KCNH5: variants seen among roughly 807,000 people sequenced by gnomAD.
The protein encoded by KCNH5 is potassium voltage-gated channel subfamily H member 5, also known as voltage-gated delayed rectifier potassium channel KCNH5.
Under a neutral mutation model 96.1 loss-of-function variants are expected in KCNH5, and 46 were observed. The ratio of observed to expected loss-of-function variants is 0.48; its 90% confidence interval spans 0.38 to 0.61. KCNH5 has a LOEUF of 0.61. KCNH5 is among the 20% of genes least tolerant of loss of function. The pLI is 0.00. For missense variants in KCNH5, 907 were observed against 1,225.8 expected, an observed-to-expected ratio of 0.74 and a Z score of 3.88; for synonymous variants, 439 against 449.8, an observed-to-expected ratio of 0.98 and a Z score of 0.30.
intron 9 of KCNH5, among the ~76,000 whole-genome samples, chr14:62,783,121 T>C (rs1221163767): frequency 6.6e-6 from 1 of 152,150 alleles, no homozygotes; most frequent in African/African-American, 2.4e-5. Flanking sequence ...TAAGGTTATA[T>C]AAAATAGTAA....
chr14:62,773,351 C>T (rs1886030163), intron 10 of KCNH5, among the ~76,000 whole-genome samples: 1 of 152,202 alleles, frequency 6.6e-6, no homozygotes, highest in Admixed American at 6.5e-5. Flanking sequence ...CTTGTCACCT[C>T]CTGGAATCCT....
rs919182247 is a variant in KCNH5, at chr14:62,849,636, A to G, written c.1569+17T>C. ...CTACTAAAATAGAAACTAAATAATA[A>G]CAATAATAACCCATACCTTTTCTGT... On this transcript the variant is annotated intron_variant, in intron 8 of 10. Transcript: ENST00000322893. The G allele has an allele frequency of 3.7e-6, 6 of 1,600,582 alleles. No individual in the cohort carries two copies. The highest frequency in any genetic ancestry group is 5.1e-6 in the Non-Finnish European group (6 of 1,169,060).
intron 10 of KCNH5, among the ~76,000 whole-genome samples, chr14:62,760,993 T>C (rs1416603107): frequency 6.6e-6 from 1 of 152,232 alleles, no homozygotes; most frequent in Non-Finnish European, 1.5e-5. Context: ...TTATTTTATT[T>C]TTTTCACAGC....
At chr14:63,013,656 A>G (rs1891270904) in intron 2 of KCNH5, among the ~76,000 whole-genome samples, 1 of 152,134 alleles carries the variant, frequency 6.6e-6, no homozygotes, top group Non-Finnish European at 1.5e-5. Context: ...GAAAAAAGCG[A>G]TATGTAAAAG....
In KCNH5 at chr14:62,707,785, G is replaced by T. The variant is rs1236970314; in HGVS notation, c.2690C>A (p.Pro897His). ...HSPIQADAKH[P>H]FYPIPEQALQ... is the part of the protein sequence containing the mutation. ...GGCCTGCTCGGGGATGGGATAAAAG[G>T]GGTGCTTGGCATCAGCCTGGATGGG... Residue 897 changes from proline (P) to histidine (H), a missense_variant, in exon 11 of 11, where the codon CCC becomes CAC. Physicochemically the swap from Pro to His is moderately conservative, Grantham distance 77 (BLOSUM62 -2). Transcript: ENST00000322893. 5.0e-6 allele frequency: 8 copies of T among 1,614,002 alleles called. No individual in the cohort carries two copies. The African/African-American group carries it at 8.0e-5, about 16-fold the overall frequency.
intron 8 of KCNH5, among the ~76,000 whole-genome samples, chr14:62,840,566 C>CTTTTCTTTCTTTT (rs1887561319): frequency 9.2e-5 from 7 of 76,392 alleles, no homozygotes; most frequent in African/African-American, 2.9e-4. Context: ...TCTTTTTTTT[C>CTTTTCTTTCTTTT]TTTTTTTTTT....
chr14:62,996,446 T>G (rs541053698), intron 4 of KCNH5, among the ~76,000 whole-genome samples: 1 of 152,348 alleles, frequency 6.6e-6, no homozygotes, highest in South Asian at 2.1e-4. Flanking sequence ...CAATGGGGTC[T>G]GATTTTCCCT....
intron 6 of KCNH5, among the ~76,000 whole-genome samples, chr14:62,960,490 A>G (rs1184897759): frequency 6.6e-6 from 1 of 152,196 alleles, no homozygotes; most frequent in Non-Finnish European, 1.5e-5. Flanking sequence ...CACTGATACC[A>G]TAATCAATAA....
At position 62,950,116 on chromosome 14, in the gene KCNH5, A is replaced by C. The variant is rs772160654; in HGVS notation, c.1369+17T>G. 1 of 1,611,124 alleles carries C rather than the reference A, an allele frequency of 6.2e-7. No individual in the cohort carries two copies. The highest frequency in any genetic ancestry group is 1.1e-5 in the South Asian group (1 of 90,658). ...GCCAATAACAATAATTTTCAATGAA[A>C]AAATTAAAATACTTACAGCCAACCA... On this transcript the variant is annotated intron_variant, in intron 7 of 10. Transcript: ENST00000322893.
chr14:63,011,799 T>C (rs1387956632), intron 2 of KCNH5, among the ~76,000 whole-genome samples: 1 of 152,176 alleles, frequency 6.6e-6, no homozygotes, highest in African/African-American at 2.4e-5. Context: ...CTGGCATCCA[T>C]CATGTGTCAC....
intron 1 of KCNH5, 39 bp downstream of exon 1, chr14:63,045,075 G>A (rs1891898193): frequency 2.7e-6 from 4 of 1,496,792 alleles, no homozygotes; most frequent in Admixed American, 3.3e-5. Flanking sequence ...GTGTGGGCGG[G>A]ATGGAGGTGG....
At chr14:62,893,057 T>C (rs1187239814) in intron 7 of KCNH5, among the ~76,000 whole-genome samples, 2 of 152,226 alleles carry the variant, frequency 1.3e-5, no homozygotes, top group African/African-American at 4.8e-5. Context: ...CATAAGGCTA[T>C]AGCTAGTGTA....
In KCNH5 at chr14:62,703,614, A is replaced by T. The variant is rs1263462040; in HGVS notation, c.*3894T>A. The T allele has an allele frequency of 6.6e-6, 1 of 151,902 alleles. No homozygotes were observed. Among genetic ancestry groups the T allele is most frequent in the Non-Finnish European group, 1.5e-5 (1 of 67,782 alleles). 9.4% of individuals were successfully genotyped at this position (151,902 alleles called of 1,614,324 possible). A position where few individuals can be genotyped will look rare whatever the true frequency, so the allele number is the denominator to read the frequency against. On this transcript the variant is annotated 3_prime_UTR_variant, in exon 11 of 11. Coordinates refer to ENST00000322893, the MANE Select transcript of KCNH5 (RefSeq NM_139318.5). ...ATTCAGAACACAAGACAAAGCTCAG[A>T]TACTAAGACTTAAGGTGTTTTCCAA...
At chr14:62,993,870 G>A (rs933549469) in intron 4 of KCNH5, among the ~76,000 whole-genome samples, 11 of 152,052 alleles carry the variant, frequency 7.2e-5, no homozygotes, top group African/African-American at 2.7e-4. Flanking sequence ...TCGATACAGG[G>A]TAATGCAAAC....
At chr14:63,037,158 A>C (rs2139630308) in intron 1 of KCNH5, among the ~76,000 whole-genome samples, 1 of 152,282 alleles carries the variant, frequency 6.6e-6, no homozygotes. Context: ...TGCCTAACTT[A>C]ATCCTCACTC....
At chr14:62,742,477 A>T (rs1885291013) in intron 10 of KCNH5, among the ~76,000 whole-genome samples, 1 of 152,190 alleles carries the variant, frequency 6.6e-6, no homozygotes, top group Admixed American at 6.5e-5. Flanking sequence ...GCACATTAGA[A>T]TTACCCAGAG....
At chr14:62,965,748 T>C (rs1401816242) in intron 6 of KCNH5, among the ~76,000 whole-genome samples, 3 of 152,188 alleles carry the variant, frequency 2.0e-5, no homozygotes, top group African/African-American at 7.2e-5. Flanking sequence ...GTCCTAGTGA[T>C]ATGTTTACCA....
chr14:62,841,643 G>A (rs1430182083), intron 8 of KCNH5, among the ~76,000 whole-genome samples: 1 of 152,192 alleles, frequency 6.6e-6, no homozygotes, highest in Non-Finnish European at 1.5e-5. Flanking sequence ...ATTTAAAATG[G>A]TGCCAGGCAT....
intron 10 of KCNH5, among the ~76,000 whole-genome samples, chr14:62,751,908 T>C (rs1415536229): frequency 6.6e-6 from 1 of 152,222 alleles, no homozygotes; most frequent in Non-Finnish European, 1.5e-5. Flanking sequence ...CCCAAAAGGG[T>C]CTGTCCTTCT....
Sources: gnomAD v4.1 joint callset for allele counts (sites outside exome capture counted in the v4.1 genomes callset) on GRCh38, gnomAD v4.1.1 for gene constraint, MANE v1.5 for transcripts, NCBI Gene and HGNC (gene_info 2026-07-23, HGNC 2026-07-21) for gene names.